THSD4: variants seen among roughly 807,000 people sequenced by gnomAD.
THSD4 encodes the protein thrombospondin type 1 domain containing 4.
A neutral mutation model predicts 119.0 loss-of-function variants in THSD4; 69 were observed. The observed-to-expected ratio is 0.58, with a 90% confidence interval of 0.48 to 0.71. The LOEUF is 0.71. Ranked by LOEUF, THSD4 falls within the 30% of genes least tolerant of loss-of-function variation. The pLI, the probability that THSD4 is intolerant of heterozygous loss-of-function variation, is 0.00. For missense variants in THSD4, 1,393 were observed against 1,391.1 expected (o/e 1.00, Z -0.02); for synonymous variants, 524 against 540.4 (o/e 0.97, Z 0.42).
intron 6 of THSD4, among the ~76,000 whole-genome samples, chr15:71,387,619 C>G (rs542672297): frequency 6.6e-6 from 1 of 152,102 alleles, no homozygotes; most frequent in African/African-American, 2.4e-5. Flanking sequence ...CTTACTTTCC[C>G]AAAAGCTGTA....
chr15:71,566,523 G>A (rs914027883), intron 7 of THSD4, among the ~76,000 whole-genome samples: 4 of 152,130 alleles, frequency 2.6e-5, no homozygotes, highest in Non-Finnish European at 5.9e-5. Context: ...AAAGGGTGGG[G>A]CTTGGAGTCC....
At chr15:71,692,203 G>A (rs1362462080) in intron 8 of THSD4, among the ~76,000 whole-genome samples, 4 of 152,194 alleles carry the variant, frequency 2.6e-5, no homozygotes, top group Non-Finnish European at 5.9e-5. Context: ...AGACGTGGGT[G>A]TATGTGCACG....
intron 7 of THSD4, among the ~76,000 whole-genome samples, chr15:71,512,694 T>C (rs749676171): frequency 6.6e-6 from 1 of 152,224 alleles, no homozygotes; most frequent in Non-Finnish European, 1.5e-5. Flanking sequence ...AATTGTTTAT[T>C]TTTCCACCAG....
At chr15:71,670,378 G>A (rs1330713721) in intron 8 of THSD4, among the ~76,000 whole-genome samples, 1 of 151,740 alleles carries the variant, frequency 6.6e-6, no homozygotes, top group Non-Finnish European at 1.5e-5. Context: ...ATGGTTTCCA[G>A]CTTCATCCAT....
intron 6 of THSD4, among the ~76,000 whole-genome samples, chr15:71,369,058 G>C (rs1267684940): frequency 6.6e-6 from 1 of 152,168 alleles, no homozygotes; most frequent in Non-Finnish European, 1.5e-5. Flanking sequence ...TTGTGAATGG[G>C]AGTTCACTCA....
chr15:71,745,131 T>C lies in THSD4; in HGVS notation c.1932T>C (p.Cys644=). 6.2e-7 allele frequency: 1 copy of C among 1,612,010 alleles called. No homozygotes were observed. The highest frequency in any genetic ancestry group is 1.1e-5 in the South Asian group (1 of 90,936). Residue 644 remains cysteine (C), a synonymous_variant, in exon 12 of 18, where the codon TGT becomes TGC. Coordinates refer to ENST00000261862, the MANE Select transcript of THSD4 (RefSeq NM_024817.3). The stretch of plus-strand genomic sequence containing the variant: ...GATCGCAGTACCCTATTTTCCGCTG[T>C]GTGCACAGAAGCACTCATGAAGAGG... The part of the protein sequence containing the change: ...GKGSQYPIFR[C]VHRSTHEEAP...
chr15:71,477,548 A>T (rs1180796160), intron 7 of THSD4, among the ~76,000 whole-genome samples: 1 of 152,220 alleles, frequency 6.6e-6, no homozygotes, highest in Non-Finnish European at 1.5e-5. Flanking sequence ...ATTATGCTGC[A>T]TGTTATGGAA....
rs143415493 is a variant in THSD4 at position 71,428,489 on chromosome 15, A to G, written c.1152+16666A>G. On this transcript the variant is annotated intron_variant, in intron 7 of 17. Transcript: ENST00000261862. ...GGCTGCTTAGCCTAATGATGACTCA[A>G]GTAGGACCTGGACATCTGAGTGAAG... is the stretch of plus-strand genomic sequence containing the variant. Among the ~76,000 whole-genome samples the G allele has an allele frequency of 1.1e-4, 17 of 152,318 alleles. No homozygotes were observed. In the East Asian group the frequency reaches 3.3e-3, roughly 29 times the overall value.
At chr15:71,521,013 G>A (rs1423533866) in intron 7 of THSD4, among the ~76,000 whole-genome samples, 1 of 152,210 alleles carries the variant, frequency 6.6e-6, no homozygotes, top group Non-Finnish European at 1.5e-5. Flanking sequence ...CCATACTGAT[G>A]TTGAAATGTT....
chr15:71,479,482 G>C (rs895776092), intron 7 of THSD4, among the ~76,000 whole-genome samples: 1 of 152,130 alleles, frequency 6.6e-6, no homozygotes, highest in African/African-American at 2.4e-5. Context: ...CAAATGAAGA[G>C]TGAGAGGCAG....
At chr15:71,242,575 C>T (rs181867766) in intron 4 of THSD4, 74 bp from the exon 5 acceptor site, 135 of 1,494,714 alleles carry the variant, frequency 9.0e-5, no homozygotes, top group Admixed American at 4.5e-4. Flanking sequence ...CTCTCTACCA[C>T]GGACCAGAGC....
intron 8 of THSD4, among the ~76,000 whole-genome samples, chr15:71,687,020 A>G (rs1487796245): frequency 6.6e-6 from 1 of 152,208 alleles, no homozygotes; most frequent in Non-Finnish European, 1.5e-5. Flanking sequence ...ACGCAGATGA[A>G]CAGTAACCAA....
chr15:71,254,687 G>A (rs1647783241), intron 5 of THSD4, among the ~76,000 whole-genome samples: 1 of 152,138 alleles, frequency 6.6e-6, no homozygotes, highest in Admixed American at 6.5e-5. Flanking sequence ...CAGGCCAAAG[G>A]CATGTGAAAA....
At chr15:71,629,342 C>T (rs1181187698) in intron 7 of THSD4, among the ~76,000 whole-genome samples, 1 of 152,140 alleles carries the variant, frequency 6.6e-6, no homozygotes, top group Non-Finnish European at 1.5e-5. Context: ...GGCAGGGCGG[C>T]CAGACAGTAG....
chr15:71,316,128 G>T (rs1415578395), intron 6 of THSD4, among the ~76,000 whole-genome samples: 1 of 152,106 alleles, frequency 6.6e-6, no homozygotes, highest in Non-Finnish European at 1.5e-5. Flanking sequence ...TGCAAAACAG[G>T]CTCTTGGCTA....
intron 7 of THSD4, among the ~76,000 whole-genome samples, chr15:71,607,806 A>T (rs1051493934): frequency 6.6e-6 from 1 of 152,194 alleles, no homozygotes; most frequent in African/African-American, 2.4e-5. Context: ...GAGAGCAAGA[A>T]GTGAGTAGAG....
Position 71,507,999 on chromosome 15 carries a change from G to T in THSD4, c.1152+96176G>T, listed in dbSNP as rs540703644. Among the ~76,000 whole-genome samples the T allele has an allele frequency of 8.5e-5, 13 of 152,306 alleles. No individual in the cohort carries two copies. The South Asian group carries it at 2.1e-3, about 24-fold the overall frequency. On this transcript the variant is annotated intron_variant, in intron 7 of 17. Coordinates refer to ENST00000261862, the MANE Select transcript of THSD4 (RefSeq NM_024817.3). ...AAAATAAAATAAAAAGTACAATGATGCAGTAATGTCATTTGAAAATAATAG... is the reference window on the plus strand; with the variant it reads ...AAAATAAAATAAAAAGTACAATGATTCAGTAATGTCATTTGAAAATAATAG...
intron 8 of THSD4, among the ~76,000 whole-genome samples, chr15:71,706,628 G>C (rs897727449): frequency 2.6e-5 from 4 of 152,162 alleles, no homozygotes; most frequent in African/African-American, 7.2e-5. Context: ...AACTGGACCC[G>C]AGGTAGACAG....
intron 6 of THSD4, among the ~76,000 whole-genome samples, chr15:71,268,655 T>C (rs1307718861): frequency 6.9e-6 from 1 of 144,178 alleles, no homozygotes; most frequent in Non-Finnish European, 1.5e-5. Flanking sequence ...TCAAAAACAA[T>C]CAGTGAATCC....
Sources: allele counts gnomAD v4.1 joint callset (sites outside exome capture counted in the v4.1 genomes callset), GRCh38; gene constraint gnomAD v4.1.1; transcripts MANE v1.5; gene names NCBI Gene and HGNC (gene_info 2026-07-23, HGNC 2026-07-21).